The following GRID2 variants were observed in gnomAD, a reference collection of about 807,000 sequenced individuals.
GRID2 encodes glutamate ionotropic receptor delta type subunit 2.
GRID2 carries 33 observed loss-of-function variants against 114.8 expected under a neutral mutation model. That is an observed-to-expected ratio of 0.29 (90% CI 0.22 to 0.38). The LOEUF is 0.38. Among genes scored for constraint, GRID2 ranks in the 10% least tolerant of loss-of-function variants. The probability of loss-of-function intolerance (pLI) is 1.00; values close to 1 mark genes in which losing one functional copy is unlikely to be tolerated. For synonymous variants in GRID2, 505 were observed against 449.9 expected (o/e 1.12, Z -1.55); for missense variants, 1,184 against 1,257.7 (o/e 0.94, Z 0.89).
At chr4:92,604,095 G>A (rs1729345508) in intron 2 of GRID2, among the ~76,000 whole-genome samples, 1 of 152,086 alleles carries the variant, frequency 6.6e-6, no homozygotes, top group Admixed American at 6.6e-5. Context: ...TGGTGGGAAT[G>A]CAAATCAGTT....
chr4:93,479,512 A>C (rs1162053585), intron 11 of GRID2, among the ~76,000 whole-genome samples: 1 of 152,090 alleles, frequency 6.6e-6, no homozygotes, highest in Non-Finnish European at 1.5e-5. Context: ...AACACTAAGA[A>C]AAGCCTCAAA....
chr4:93,595,593 G>A (rs1267543968), intron 13 of GRID2, among the ~76,000 whole-genome samples: 1 of 152,180 alleles, frequency 6.6e-6, no homozygotes, highest in African/African-American at 2.4e-5. Context: ...AAATGTTTGT[G>A]TTATAATTTC....
At chr4:92,438,627 A>G (rs1732855649) in intron 1 of GRID2, among the ~76,000 whole-genome samples, 1 of 151,224 alleles carries the variant, frequency 6.6e-6, no homozygotes, top group South Asian at 2.1e-4. Context: ...CTAGTATTTT[A>G]GCCATGGGCA....
chr4:93,269,301 TA>T (rs1357619534), intron 8 of GRID2, among the ~76,000 whole-genome samples: 1 of 152,172 alleles, frequency 6.6e-6, no homozygotes, highest in Non-Finnish European at 1.5e-5. Context: ...CAGGCATTTT[TA>T]AAAAAAGTTT....
intron 1 of GRID2, among the ~76,000 whole-genome samples, chr4:92,548,420 G>GTTA (rs398072227): frequency 2.7e-4 from 1 of 3,764 alleles, no homozygotes; most frequent in Non-Finnish European, 5.9e-4. Context: ...TTTTTTTTTT[G>GTTA]AGACAGAGTC....
intron 13 of GRID2, among the ~76,000 whole-genome samples, chr4:93,625,669 A>G (rs1419913744): frequency 1.3e-5 from 2 of 152,062 alleles, no homozygotes; most frequent in Non-Finnish European, 2.9e-5. Context: ...TAATCTCAGC[A>G]CTTTGGGAGG....
chr4:92,587,810 A>G (rs182377660), intron 1 of GRID2, among the ~76,000 whole-genome samples: 22 of 152,300 alleles, frequency 1.4e-4, no homozygotes, highest in East Asian at 1.2e-3. Context: ...GGCAATATTA[A>G]GTGTTCTGCC....
intron 2 of GRID2, among the ~76,000 whole-genome samples, chr4:92,674,168 T>C (rs1193012424): frequency 6.6e-6 from 1 of 152,118 alleles, no homozygotes; most frequent in East Asian, 1.9e-4. Context: ...GTTGATATTT[T>C]TCATCAAATT....
At chr4:92,332,137 T>C (rs1303651040) in intron 1 of GRID2, among the ~76,000 whole-genome samples, 1 of 152,158 alleles carries the variant, frequency 6.6e-6, no homozygotes, top group Non-Finnish European at 1.5e-5. Flanking sequence ...TCTGCTGCTA[T>C]AGGATAATAT....
chr4:92,759,664 G>A (rs1737894442), intron 2 of GRID2, among the ~76,000 whole-genome samples: 1 of 152,102 alleles, frequency 6.6e-6, no homozygotes, highest in South Asian at 2.1e-4. Context: ...GAGTGCAATG[G>A]CGTGATCTTG....
At chr4:92,557,491 A>AT (rs1051549621) in intron 1 of GRID2, among the ~76,000 whole-genome samples, 8 of 151,210 alleles carry the variant, frequency 5.3e-5, no homozygotes, top group African/African-American at 1.9e-4. Flanking sequence ...TAACACATAT[A>AT]TTTTTTCTTC....
At chr4:92,866,998 A>C (rs1744915361) in intron 2 of GRID2, among the ~76,000 whole-genome samples, 1 of 152,134 alleles carries the variant, frequency 6.6e-6, no homozygotes, top group Admixed American at 6.6e-5. Flanking sequence ...TGTCCATCAT[A>C]TTATCATGTC....
intron 11 of GRID2, among the ~76,000 whole-genome samples, chr4:93,461,032 T>C (rs1300020031): frequency 6.6e-6 from 1 of 152,138 alleles, no homozygotes; most frequent in Non-Finnish European, 1.5e-5. Context: ...AAAAGATAAA[T>C]AGAATTACCC....
intron 3 of GRID2, among the ~76,000 whole-genome samples, chr4:93,088,439 A>G (rs1213792759): frequency 6.6e-6 from 1 of 152,172 alleles, no homozygotes; most frequent in African/African-American, 2.4e-5. Flanking sequence ...ACAGTTAACA[A>G]CAGATGTGTC....
At chr4:93,432,382 C>A (rs886503819) in intron 10 of GRID2, among the ~76,000 whole-genome samples, 1 of 152,066 alleles carries the variant, frequency 6.6e-6, no homozygotes, top group Non-Finnish European at 1.5e-5. Flanking sequence ...TAGCCATGAT[C>A]AGAGACATAA....
chr4:93,560,048 G>A (rs948025964), intron 13 of GRID2, among the ~76,000 whole-genome samples: 5 of 151,696 alleles, frequency 3.3e-5, no homozygotes, highest in Non-Finnish European at 5.9e-5. Flanking sequence ...TGGACACAGG[G>A]AGGGGAACAT....
chr4:93,654,243 C>T (rs575356926), intron 14 of GRID2, among the ~76,000 whole-genome samples: 5 of 152,284 alleles, frequency 3.3e-5, no homozygotes, highest in Admixed American at 1.3e-4. Flanking sequence ...CTTCATTTTG[C>T]TTCCAATAGA....
intron 2 of GRID2, among the ~76,000 whole-genome samples, chr4:92,889,949 A>T (rs1425157512): frequency 3.3e-5 from 5 of 152,194 alleles, no homozygotes; most frequent in African/African-American, 1.2e-4. Context: ...CAGAGGCCTC[A>T]GAAATAAAGC....
intron 14 of GRID2, among the ~76,000 whole-genome samples, chr4:93,755,646 T>G (rs1732680942): frequency 6.6e-6 from 1 of 152,206 alleles, no homozygotes; most frequent in South Asian, 2.1e-4. Context: ...AGGTGATGTT[T>G]TATATTAACC....
Sources: gnomAD v4.1 joint callset for allele counts (sites outside exome capture counted in the v4.1 genomes callset) on GRCh38, gnomAD v4.1.1 for gene constraint, MANE v1.5 for transcripts, NCBI Gene and HGNC (gene_info 2026-07-23, HGNC 2026-07-21) for gene names.